RGS9: variants seen among roughly 807,000 people sequenced by gnomAD.
RGS9 encodes regulator of G-protein signalling 9.
In RGS9, 78 loss-of-function variants were observed where a neutral mutation model predicts 102.0. The observed-to-expected ratio is 0.76, with a 90% CI of 0.64 to 0.92. RGS9 has a LOEUF of 0.92. RGS9 is among the 40% of genes least tolerant of loss of function. The pLI is 0.00. For synonymous variants in RGS9, 353 were observed against 318.6 expected (o/e 1.11, Z -1.15); for missense variants, 833 against 866.1 (o/e 0.96, Z 0.48).
intron 3 of RGS9, among the ~76,000 whole-genome samples, 192 bp from the exon 4 acceptor site, chr17:65,160,041 C>T (rs368264900): frequency 4.7e-4 from 71 of 152,314 alleles, no homozygotes; most frequent in African/African-American, 1.6e-3. Context: ...CCTGGGAGGT[C>T]CTCCTTTTAG....
At chr17:65,202,685 C>T (rs928193070) in intron 14 of RGS9, among the ~76,000 whole-genome samples, 1 of 152,118 alleles carries the variant, frequency 6.6e-6, no homozygotes, top group African/African-American at 2.4e-5. Flanking sequence ...CCATGACTGT[C>T]TCTCCTCCAA....
chr17:65,192,277 G>A (rs1912397590), intron 11 of RGS9, among the ~76,000 whole-genome samples: 2 of 152,142 alleles, frequency 1.3e-5, no homozygotes, highest in Admixed American at 1.3e-4. Context: ...CTACAGACTG[G>A]GAAGGGAAGG....
At chr17:65,202,430 TGTGTGTGTGTGTGTGAGA>T (rs1567886760) in intron 14 of RGS9, among the ~76,000 whole-genome samples, 1 of 134,872 alleles carries the variant, frequency 7.4e-6, no homozygotes, top group Non-Finnish European at 1.6e-5. Context: ...TGTGTGTGTG[TGTGTGTGTGTGTGTGAGA>T]GAGAGAGAGA....
chr17:65,181,048 A>G lies in RGS9; in HGVS notation c.654+3245A>G, dbSNP rs563154572. 5.3e-5 allele frequency among the ~76,000 whole-genome samples: 8 copies of G among 152,324 alleles called. No homozygotes were observed. The East Asian group carries it at 1.4e-3, about 26-fold the overall frequency. ...CACATTTTCTTCATCCAGTCTACCA[A>G]TGATGGGCATTTAGGTTGATCCCAT... is the stretch of plus-strand genomic sequence containing the variant. On this transcript the variant is annotated intron_variant, in intron 9 of 18. Coordinates refer to ENST00000262406, the MANE Select transcript of RGS9 (RefSeq NM_003835.4).
chr17:65,224,679 G>A (rs1168298626), intron 17 of RGS9, among the ~76,000 whole-genome samples: 2 of 152,130 alleles, frequency 1.3e-5, no homozygotes, highest in African/African-American at 2.4e-5. Context: ...GGAGTTGAGG[G>A]GTGATCGGGA....
chr17:65,215,307 A>G (rs1913449133), intron 17 of RGS9, among the ~76,000 whole-genome samples: 1 of 152,074 alleles, frequency 6.6e-6, no homozygotes, highest in African/African-American at 2.4e-5. Context: ...AGAGATTTTG[A>G]TCCTCCTAAG....
At chr17:65,226,561 G>C (rs8077956) in intron 18 of RGS9, among the ~76,000 whole-genome samples, 3 of 151,652 alleles carry the variant, frequency 2.0e-5, no homozygotes, top group African/African-American at 4.9e-5. Flanking sequence ...ACTTTAAAAG[G>C]CTCTCTTCTC....
At chr17:65,160,982 C>T in intron 6 of RGS9, 73 bp downstream of exon 6, 1 of 1,219,828 alleles carries the variant, frequency 8.2e-7, no homozygotes, top group Non-Finnish European at 1.2e-6. Flanking sequence ...TTTCCTCATT[C>T]CCACATCACT....
chr17:65,156,275 G>A (rs1028631536), intron 2 of RGS9, among the ~76,000 whole-genome samples: 4 of 152,110 alleles, frequency 2.6e-5, no homozygotes, highest in Admixed American at 6.5e-5. Flanking sequence ...CACCCGCCTC[G>A]GCCTCCCAAA....
intron 5 of RGS9, 122 bp downstream of exon 5, chr17:65,160,709 C>T (rs991946959): frequency 1.4e-6 from 2 of 1,384,300 alleles, no homozygotes; most frequent in Admixed American, 1.8e-5. Flanking sequence ...CACATCTGTA[C>T]TGGGCATGTC....
At chr17:65,208,712 G>A (rs1257679766) in intron 16 of RGS9, among the ~76,000 whole-genome samples, 5 of 152,108 alleles carry the variant, frequency 3.3e-5, no homozygotes, top group South Asian at 2.1e-4. Flanking sequence ...ACTGGCAATC[G>A]TGTGTCCTGT....
In RGS9 at chr17:65,199,856, A is replaced by T. The variant is rs564353487; in HGVS notation, c.977-2137A>T. Among the ~76,000 whole-genome samples the T allele has an allele frequency of 3.4e-3, 512 of 151,808 alleles. 2 individuals carry two copies. The highest frequency in any genetic ancestry group is 5.5e-3 in the Non-Finnish European group (372 of 67,930). Reference sequence around the variant, plus strand: ...CATTCCTTTTTAATGACCCCATAATATTTCCTTGTTTGTATGTACCACATT... The same window carrying T: ...CATTCCTTTTTAATGACCCCATAATTTTTCCTTGTTTGTATGTACCACATT... On this transcript the variant is annotated intron_variant, in intron 13 of 18. Transcript: ENST00000262406.
intron 1 of RGS9, among the ~76,000 whole-genome samples, chr17:65,147,889 C>A (rs1476826824): frequency 6.6e-6 from 1 of 151,994 alleles, no homozygotes; most frequent in African/African-American, 2.4e-5. Flanking sequence ...CTGTGCCCGG[C>A]CTCTCTTTAA....
intron 8 of RGS9, among the ~76,000 whole-genome samples, chr17:65,170,862 C>T (rs1433486541): frequency 6.6e-6 from 1 of 152,166 alleles, no homozygotes; most frequent in South Asian, 2.1e-4. Context: ...TGGCCCCACT[C>T]TCTGTGATTT....
intron 9 of RGS9, among the ~76,000 whole-genome samples, chr17:65,182,720 A>C (rs1251607845): frequency 2.0e-5 from 3 of 152,138 alleles, no homozygotes; most frequent in African/African-American, 7.2e-5. Context: ...TCTGTAGCTC[A>C]TGGGCCTCCC....
At chr17:65,193,788 A>G in intron 12 of RGS9, 132 bp downstream of exon 12, 1 of 675,592 alleles carries the variant, frequency 1.5e-6, no homozygotes, top group Non-Finnish European at 2.6e-6. Flanking sequence ...AATCAATTTT[A>G]AAACATGTTC....
In RGS9 at chr17:65,225,263, A is replaced by G; in HGVS notation, c.1669A>G (p.Ser557Gly). The change falls in exon 18 of 19, where the codon AGC becomes GGC. Residue 557 changes from serine to glycine, a missense_variant. Physicochemically the swap from Ser to Gly is moderately conservative, Grantham distance 56. Around this residue, in one of 3 missense-constraint regions of RGS9, gnomAD observed 320 missense variants for 276.8 expected, o/e 1.16. Coordinates refer to ENST00000262406, the MANE Select transcript of RGS9 (RefSeq NM_003835.4). ...CCGTGGGCCCTCTGTCACCGAGAGC[A>G]GCGAGGCCTCCCTCGACACCTCCTG... ...APRGPSVTES[S>G]EASLDTSWPR... 3.7e-6 allele frequency: 6 copies of G among 1,608,764 alleles called. No individual in the cohort carries two copies. The highest frequency in any genetic ancestry group is 4.2e-6 in the Non-Finnish European group (5 of 1,179,886).
intron 7 of RGS9, among the ~76,000 whole-genome samples, chr17:65,166,994 C>T (rs534410684): frequency 2.6e-5 from 4 of 152,178 alleles, no homozygotes; most frequent in South Asian, 2.1e-4. Flanking sequence ...TTGCAGAGGG[C>T]GTGTGCGTCA....
chr17:65,209,713 C>G (rs553458212), intron 16 of RGS9, among the ~76,000 whole-genome samples: 3 of 152,348 alleles, frequency 2.0e-5, no homozygotes, highest in Admixed American at 2.0e-4. Context: ...CCCTCTTTCT[C>G]TGTTCACTGG....
Sources: gnomAD v4.1 joint callset for allele counts (sites outside exome capture counted in the v4.1 genomes callset) on GRCh38, gnomAD v4.1.1 for gene constraint, gnomAD v4.1.1 regional missense constraint, MANE v1.5 for transcripts, NCBI Gene and HGNC (gene_info 2026-07-23, HGNC 2026-07-21) for gene names.